CLEC2A: variants seen among roughly 807,000 people sequenced by gnomAD.
CLEC2A encodes the protein keratinocyte-associated C-type lectin.
A neutral mutation model predicts 18.6 loss-of-function variants in CLEC2A; 19 were observed. The ratio of observed to expected loss-of-function variants is 1.02; its 90% CI spans 0.71 to 1.50. The LOEUF is 1.50. CLEC2A is among the 40% of genes most tolerant of loss of function. The pLI, the probability that CLEC2A is intolerant of heterozygous loss-of-function variation, is 0.00. For synonymous variants in CLEC2A, 74 were observed against 64.0 expected, an observed-to-expected ratio of 1.16 and a Z score of -0.75; for missense variants, 190 against 207.9, an observed-to-expected ratio of 0.91 and a Z score of 0.53.
At chr12:9,908,955 G>A (rs1340387665), downstream of CLEC2A, among the ~76,000 whole-genome samples, 1 of 152,076 alleles carries the variant, frequency 6.6e-6, no homozygotes, top group Non-Finnish European at 1.5e-5. Context: ...TTCACTTTTT[G>A]CTTTTCTTCG....
chr12:9,881,125 A>G, the CLEC2A span, among the ~76,000 whole-genome samples: 1 of 152,212 alleles, frequency 6.6e-6, no homozygotes, highest in Non-Finnish European at 1.5e-5. Flanking sequence ...TTTGGACTCT[A>G]CTAGTCAAAT....
At chr12:9,896,975 T>C (rs1340121834), downstream of CLEC2A, among the ~76,000 whole-genome samples, 1 of 151,730 alleles carries the variant, frequency 6.6e-6, no homozygotes, top group Non-Finnish European at 1.5e-5. Context: ...TTCTTGTGAC[T>C]CAGCCTCTTG....
intron 3 of CLEC2A, among the ~76,000 whole-genome samples, chr12:9,919,985 G>A (rs1863139424): frequency 2.0e-5 from 3 of 152,160 alleles, no homozygotes; most frequent in African/African-American, 7.2e-5. Context: ...CGTGCTGGGG[G>A]ACCACTTCCA....
chr12:9,898,149 T>C (rs1862777757), downstream of CLEC2A, among the ~76,000 whole-genome samples: 1 of 152,238 alleles, frequency 6.6e-6, no homozygotes, highest in Non-Finnish European at 1.5e-5. Flanking sequence ...TTTATTTTTC[T>C]AAATGAAATT....
At chr12:9,889,218 T>G in the CLEC2A span, among the ~76,000 whole-genome samples, 5 of 152,166 alleles carry the variant, frequency 3.3e-5, no homozygotes, top group African/African-American at 1.2e-4. Flanking sequence ...AACTTTCAAA[T>G]GAGGATATTA....
At chr12:9,907,861 C>A (rs540231408) in intron 4 of CLEC2A, among the ~76,000 whole-genome samples, 1 of 152,252 alleles carries the variant, frequency 6.6e-6, no homozygotes, top group East Asian at 1.9e-4. Context: ...AAAGGACAGG[C>A]CCAAAAGGTA....
chr12:9,905,294 C>T (rs984953263), intron 4 of CLEC2A, among the ~76,000 whole-genome samples: 3 of 152,124 alleles, frequency 2.0e-5, no homozygotes, highest in African/African-American at 7.2e-5. Context: ...AGGGTCCTTC[C>T]TAAGCTGGTT....
chr12:9,915,236 G>C (rs955605969), intron 4 of CLEC2A, among the ~76,000 whole-genome samples: 1 of 152,102 alleles, frequency 6.6e-6, no homozygotes, highest in African/African-American at 2.4e-5. Flanking sequence ...AGATAGGAAT[G>C]CTTATACACT....
chr12:9,910,977 A>G (rs1377580147), downstream of CLEC2A, among the ~76,000 whole-genome samples: 1 of 152,222 alleles, frequency 6.6e-6, no homozygotes, highest in Non-Finnish European at 1.5e-5. Flanking sequence ...TTTCTCAGCA[A>G]GGCAATTTAC....
downstream of CLEC2A, among the ~76,000 whole-genome samples, chr12:9,894,473 C>T (rs1862734892): frequency 6.6e-6 from 1 of 152,154 alleles, no homozygotes; most frequent in South Asian, 2.1e-4. Context: ...TGAGCCACCA[C>T]TCCCAGCCTG....
chr12:9,914,783 T>C (rs911633448), intron 4 of CLEC2A, among the ~76,000 whole-genome samples: 4 of 151,874 alleles, frequency 2.6e-5, no homozygotes, highest in Admixed American at 2.0e-4. Context: ...CTAGGCAATA[T>C]CATTCAGGAC....
At chr12:9,920,135 C>T (rs1402515659) in intron 3 of CLEC2A, among the ~76,000 whole-genome samples, 1 of 152,188 alleles carries the variant, frequency 6.6e-6, no homozygotes, top group East Asian at 1.9e-4. Flanking sequence ...GCTAGAACTC[C>T]AAGCCAGTGG....
At chr12:9,911,812 G>C (rs1862991351), downstream of CLEC2A, among the ~76,000 whole-genome samples, 1 of 152,068 alleles carries the variant, frequency 6.6e-6, no homozygotes, top group African/African-American at 2.4e-5. Context: ...ACAGGGCTAG[G>C]AGAACATGTA....
At chr12:9,899,551 A>G (rs150959388) in intron 4 of CLEC2A, among the ~76,000 whole-genome samples, 227 of 152,280 alleles carry the variant, frequency 1.5e-3, no homozygotes, top group African/African-American at 5.3e-3. Context: ...TATGTGAGGG[A>G]GAGAGGGAAG....
chr12:9,932,291 G>A lies in CLEC2A; in HGVS notation c.39C>T (p.Gly13=), dbSNP rs916674797. 5 of 1,551,354 alleles carry A rather than the reference G, an allele frequency of 3.2e-6. 1 individual carries two copies. The highest frequency in any genetic ancestry group is 3.3e-4 in the Middle Eastern group (2 of 5,996). Residue 13 remains glycine (G), a synonymous_variant, in exon 1 of 5, where the codon GGC becomes GGT. Transcript: ENST00000455827. ...NPELRDGRAD[G]FIHRIVPKLI... is the part of the protein sequence containing the mutation. ...AAAACTTACCTATCCGATGTATGAA[G>A]CCATCAGCTCTGCCATCCCGCAGCT...
downstream of CLEC2A, among the ~76,000 whole-genome samples, chr12:9,894,522 C>T (rs1431778214): frequency 1.3e-5 from 2 of 152,128 alleles, no homozygotes; most frequent in Non-Finnish European, 2.9e-5. Flanking sequence ...ATCCACGATA[C>T]TTTCTTCACA....
At chr12:9,902,123 G>T (rs879366925) in intron 4 of CLEC2A, among the ~76,000 whole-genome samples, 1 of 151,642 alleles carries the variant, frequency 6.6e-6, no homozygotes, top group Non-Finnish European at 1.5e-5. Flanking sequence ...TACATACCTT[G>T]CTTGTAAATC....
the CLEC2A span, among the ~76,000 whole-genome samples, chr12:9,885,267 A>G: frequency 6.6e-6 from 1 of 151,740 alleles, no homozygotes; most frequent in Non-Finnish European, 1.5e-5. Context: ...TATAATTAAA[A>G]AAGTAATGTA....
chr12:9,901,241 C>T (rs1253946911), intron 4 of CLEC2A, among the ~76,000 whole-genome samples: 1 of 152,168 alleles, frequency 6.6e-6, no homozygotes, highest in Non-Finnish European at 1.5e-5. Context: ...ATGTCACAAT[C>T]TCTAAAGTTA....
Sources: allele counts gnomAD v4.1 joint callset (sites outside exome capture counted in the v4.1 genomes callset), GRCh38; gene constraint gnomAD v4.1.1; transcripts MANE v1.5; gene names NCBI Gene and HGNC (gene_info 2026-07-23, HGNC 2026-07-21).